The following CDH13 variants were observed in gnomAD, a reference collection of about 807,000 sequenced individuals.
CDH13 encodes the protein cadherin 13, also known as cadherin-13.
In CDH13, 24 loss-of-function variants were observed where a neutral mutation model predicts 63.8. The observed-to-expected ratio is 0.38, with a 90% confidence interval of 0.27 to 0.53. The LOEUF (loss-of-function observed/expected upper bound fraction) is 0.53. CDH13 is among the 20% of genes least tolerant of loss of function. The pLI, the probability that CDH13 is intolerant of heterozygous loss-of-function variation, is 0.85. For synonymous variants in CDH13, 503 were observed against 355.3 expected, an observed-to-expected ratio of 1.42 and a Z score of -4.67; for missense variants, 1,049 against 903.1, an observed-to-expected ratio of 1.16 and a Z score of -2.07.
intron 9 of CDH13, among the ~76,000 whole-genome samples, chr16:83,676,172 T>C (rs1311803139): frequency 6.6e-6 from 1 of 152,224 alleles, no homozygotes; most frequent in Non-Finnish European, 1.5e-5. Context: ...AAATTGGTTA[T>C]TTCCAAGCAT....
intron 2 of CDH13, among the ~76,000 whole-genome samples, chr16:82,873,257 A>C (rs370457258): frequency 6.6e-6 from 1 of 152,336 alleles, no homozygotes; most frequent in Middle Eastern, 3.4e-3. Flanking sequence ...GTCATTTGAT[A>C]CATTTAATCA....
intron 6 of CDH13, among the ~76,000 whole-genome samples, chr16:83,406,860 C>T (rs1466466247): frequency 1.3e-5 from 2 of 152,162 alleles, no homozygotes. Context: ...GAATCTACCT[C>T]AATAGAGTAT....
At chr16:83,780,396 A>G (rs553921541) in intron 12 of CDH13, among the ~76,000 whole-genome samples, 195 bp downstream of exon 12, 7 of 152,350 alleles carry the variant, frequency 4.6e-5, no homozygotes, top group African/African-American at 1.4e-4. Flanking sequence ...TATCTGTTTC[A>G]AACACAGACA....
In CDH13 at chr16:83,088,397, A is replaced by G. The variant is rs72796283; in HGVS notation, c.367-36988A>G. Reference sequence around the variant, plus strand: ...TGACATTCTTTGGACGCAATTTGCAATCCCCTTTATTTTCCTGTAACGTTT... The same window carrying G: ...TGACATTCTTTGGACGCAATTTGCAGTCCCCTTTATTTTCCTGTAACGTTT... On this transcript the variant is annotated intron_variant, in intron 3 of 13. Transcript: ENST00000567109. Among the ~76,000 whole-genome samples the G allele has an allele frequency of 7.7e-3, 1,180 of 152,326 alleles. 8 individuals carry two copies. Among genetic ancestry groups the G allele is most frequent in the Middle Eastern group, 0.014 (4 of 294 alleles).
intron 2 of CDH13, among the ~76,000 whole-genome samples, chr16:83,009,648 C>G (rs937410057): frequency 3.3e-5 from 5 of 152,240 alleles, no homozygotes; most frequent in African/African-American, 1.2e-4. Flanking sequence ...AATAGCTGTT[C>G]TTTTTAAAAA....
intron 5 of CDH13, among the ~76,000 whole-genome samples, chr16:83,342,352 C>T (rs2090744253): frequency 6.6e-6 from 1 of 152,094 alleles, no homozygotes; most frequent in African/African-American, 2.4e-5. Flanking sequence ...TTCTGCTAAC[C>T]ACTGGATACC....
At chr16:82,718,851 G>C (rs1355781030) in intron 1 of CDH13, among the ~76,000 whole-genome samples, 1 of 152,186 alleles carries the variant, frequency 6.6e-6, no homozygotes, top group African/African-American at 2.4e-5. Context: ...TACAATTCAA[G>C]ATGAAATTTG....
At chr16:83,000,833 C>T (rs946791158) in intron 2 of CDH13, among the ~76,000 whole-genome samples, 1 of 152,266 alleles carries the variant, frequency 6.6e-6, no homozygotes, top group Admixed American at 6.5e-5. Flanking sequence ...CCCGCCTCGG[C>T]CTCCCAAGGT....
chr16:82,836,538 T>C, intron 1 of CDH13, among the ~76,000 whole-genome samples: 1 of 152,110 alleles, frequency 6.6e-6, no homozygotes, highest in East Asian at 1.9e-4. Context: ...GTATCCCACT[T>C]TGAGGAATAC....
At chr16:83,393,437 G>T (rs1008206090) in intron 6 of CDH13, among the ~76,000 whole-genome samples, 2 of 152,142 alleles carry the variant, frequency 1.3e-5, no homozygotes, top group Non-Finnish European at 2.9e-5. Context: ...GTGAGGAGAA[G>T]CCAGCCCAGA....
At chr16:82,945,617 T>C (rs540443875) in intron 2 of CDH13, among the ~76,000 whole-genome samples, 1 of 152,266 alleles carries the variant, frequency 6.6e-6, no homozygotes, top group African/African-American at 2.4e-5. Context: ...TTGCTTTGGG[T>C]GACACCCCTT....
intron 5 of CDH13, among the ~76,000 whole-genome samples, chr16:83,283,632 G>A (rs920992104): frequency 6.6e-6 from 1 of 152,060 alleles, no homozygotes; most frequent in Admixed American, 6.6e-5. Flanking sequence ...GTGCAGCCAG[G>A]GGCAATATCT....
rs1004166790 is a variant in CDH13 at position 82,881,819 on chromosome 16, A to C, written c.157+23346A>C. Among the ~76,000 whole-genome samples, 3 of 152,052 alleles carry C rather than the reference A, an allele frequency of 2.0e-5. No homozygotes were observed. In the East Asian group the frequency reaches 5.8e-4, roughly 29 times the overall value. ...GAGTGTCCCCCTGCGATACGATAGC[A>C]TGTCACCTGGTTCATGACCCCCACA... On this transcript the variant is annotated intron_variant, in intron 2 of 13. Coordinates refer to ENST00000567109, the MANE Select transcript of CDH13 (RefSeq NM_001257.5).
intron 4 of CDH13, among the ~76,000 whole-genome samples, chr16:83,191,197 A>T (rs1014590363): frequency 2.1e-5 from 3 of 143,524 alleles, no homozygotes; most frequent in African/African-American, 7.9e-5. Context: ...AAATTTTGGG[A>T]AGGGTCATAC....
intron 4 of CDH13, among the ~76,000 whole-genome samples, chr16:83,160,626 T>G (rs1189329568): frequency 6.6e-6 from 1 of 152,170 alleles, no homozygotes; most frequent in Non-Finnish European, 1.5e-5. Flanking sequence ...CCACTAATAA[T>G]CCTACAAACC....
At chr16:83,549,051 C>A (rs1278585795) in intron 7 of CDH13, among the ~76,000 whole-genome samples, 1 of 152,176 alleles carries the variant, frequency 6.6e-6, no homozygotes, top group South Asian at 2.1e-4. Context: ...AGTGCTCTGA[C>A]AGATCAAGAG....
At chr16:83,394,739 G>A (rs147217572) in intron 6 of CDH13, among the ~76,000 whole-genome samples, 2 of 152,190 alleles carry the variant, frequency 1.3e-5, no homozygotes, top group Non-Finnish European at 2.9e-5. Context: ...AGTTACATAG[G>A]TGGATTGAGC....
At chr16:83,364,441 C>G (rs1169693865) in intron 6 of CDH13, among the ~76,000 whole-genome samples, 2 of 152,196 alleles carry the variant, frequency 1.3e-5, no homozygotes, top group African/African-American at 2.4e-5. Context: ...AAGGAGTTCT[C>G]ATTTACAGAT....
At chr16:82,895,337 C>T (rs532118105) in intron 2 of CDH13, among the ~76,000 whole-genome samples, 2 of 152,254 alleles carry the variant, frequency 1.3e-5, no homozygotes, top group Non-Finnish European at 2.9e-5. Context: ...TGTTACCCTC[C>T]CTCCTTCATC....
Sources: allele counts gnomAD v4.1 joint callset (sites outside exome capture counted in the v4.1 genomes callset), GRCh38; gene constraint gnomAD v4.1.1; transcripts MANE v1.5; gene names NCBI Gene and HGNC (gene_info 2026-07-23, HGNC 2026-07-21).